SETBP1: variants seen among roughly 807,000 people sequenced by gnomAD.
SETBP1 encodes the protein SET binding protein 1, also known as SET-binding protein.
A neutral mutation model predicts 101.0 loss-of-function variants in SETBP1; 9 were observed. The ratio of observed to expected loss-of-function variants is 0.09; its 90% CI spans 0.05 to 0.16. The LOEUF (loss-of-function observed/expected upper bound fraction) is 0.16. Among genes scored for constraint, SETBP1 ranks in the 10% least tolerant of loss-of-function variants. SETBP1 has a pLI of 1.00. For synonymous variants in SETBP1, 818 were observed against 788.5 expected (o/e 1.04, Z -0.63); for missense variants, 1,858 against 2,033.8 (o/e 0.91, Z 1.66).
At chr18:44,876,744 A>T (rs769753030) in intron 3 of SETBP1, 1 of 1,533,030 alleles carries the variant, frequency 6.5e-7, no homozygotes, top group African/African-American at 1.4e-5. Context: ...TCTGGGCACA[A>T]GAAGTATAAC....
At chr18:45,038,205 G>T in intron 4 of SETBP1, among the ~76,000 whole-genome samples, 1 of 152,160 alleles carries the variant, frequency 6.6e-6, no homozygotes, top group East Asian at 1.9e-4. Context: ...AAAAGGCAAA[G>T]GGGCACCTGA....
At chr18:44,993,501 G>A (rs533140229) in intron 4 of SETBP1, among the ~76,000 whole-genome samples, 9 of 151,836 alleles carry the variant, frequency 5.9e-5, no homozygotes, top group Non-Finnish European at 1.0e-4. Context: ...TCTACTTATT[G>A]CTGATGTATA....
At chr18:44,774,365 ATGTGTGTGTGGG>A (rs1403401229) in intron 2 of SETBP1, among the ~76,000 whole-genome samples, 1 of 149,272 alleles carries the variant, frequency 6.7e-6, no homozygotes, top group Non-Finnish European at 1.5e-5. Flanking sequence ...TTGAGTGTGT[ATGTGTGTGTGGG>A]TGTGTGTGTG....
intron 2 of SETBP1, among the ~76,000 whole-genome samples, chr18:44,752,683 A>T (rs1173690801): frequency 2.0e-5 from 3 of 152,302 alleles, no homozygotes; most frequent in Non-Finnish European, 4.4e-5. Context: ...AAAAACAGAA[A>T]AATACTTAAT....
At position 44,989,858 on chromosome 18, in the gene SETBP1, G is replaced by A. The variant is rs1319902306; in HGVS notation, c.4000+36518G>A. On this transcript the variant is annotated intron_variant, in intron 4 of 5. Transcript: ENST00000649279. ...CACTCCAGCCTGGGCGACAGAGCGAGACTCCGTCTCAAAAAAAAAAAAAAA... is the reference window on the plus strand; with the variant it reads ...CACTCCAGCCTGGGCGACAGAGCGAAACTCCGTCTCAAAAAAAAAAAAAAA... Among the ~76,000 whole-genome samples the A allele has an allele frequency of 3.6e-5, 3 of 84,174 alleles. No homozygotes were observed. In the Admixed American group the frequency reaches 6.9e-4, roughly 19 times the overall value. The allele number at this position is 84,174 out of a possible 152,430, so 55.2% of individuals were successfully genotyped here. A position where few individuals can be genotyped will look rare whatever the true frequency, so the allele number is the denominator to read the frequency against.
chr18:44,812,608 C>T (rs1160436236), intron 2 of SETBP1, among the ~76,000 whole-genome samples: 1 of 152,086 alleles, frequency 6.6e-6, no homozygotes, highest in East Asian at 1.9e-4. Context: ...TCTGTTGGTG[C>T]CCTGGCTGGG....
At chr18:44,784,540 A>G (rs570639469) in intron 2 of SETBP1, among the ~76,000 whole-genome samples, 1 of 152,276 alleles carries the variant, frequency 6.6e-6, no homozygotes, top group African/African-American at 2.4e-5. Flanking sequence ...GTCTTTTTCT[A>G]TCACATTGAC....
intron 3 of SETBP1, among the ~76,000 whole-genome samples, chr18:44,875,129 T>C (rs2069367363): frequency 6.6e-6 from 1 of 152,158 alleles, no homozygotes; most frequent in African/African-American, 2.4e-5. Flanking sequence ...TGCTTGTTCT[T>C]CTAGGGTTGA....
At chr18:44,720,037 G>A (rs186010557) in intron 2 of SETBP1, among the ~76,000 whole-genome samples, 38 of 152,268 alleles carry the variant, frequency 2.5e-4, no homozygotes, top group African/African-American at 8.7e-4. Context: ...AGGGTGGCGC[G>A]CATTGGTTTG....
At chr18:44,866,112 T>C (rs1456500182) in intron 2 of SETBP1, among the ~76,000 whole-genome samples, 1 of 152,234 alleles carries the variant, frequency 6.6e-6, no homozygotes, top group African/African-American at 2.4e-5. Context: ...ACCATTCAGC[T>C]TCTTTCCCTT....
At chr18:44,824,702 C>A (rs1469868606) in intron 2 of SETBP1, among the ~76,000 whole-genome samples, 1 of 152,022 alleles carries the variant, frequency 6.6e-6, no homozygotes, top group Non-Finnish European at 1.5e-5. Context: ...TCCTCTTTTT[C>A]TTTTCCCCAG....
chr18:44,990,927 GAAAAAAAA>G (rs996043221), intron 4 of SETBP1, among the ~76,000 whole-genome samples: 25 of 63,208 alleles, frequency 4.0e-4, no homozygotes, highest in East Asian at 9.0e-4. Context: ...CAGAGAGAGA[GAAAAAAAA>G]AAAAAAAAAA....
At chr18:44,868,572 G>C (rs2069180164) in intron 2 of SETBP1, among the ~76,000 whole-genome samples, 1 of 151,934 alleles carries the variant, frequency 6.6e-6, no homozygotes, top group Non-Finnish European at 1.5e-5. Context: ...GCAGGCATCT[G>C]TAATCCCAGC....
chr18:44,814,268 A>G (rs369310486), intron 2 of SETBP1, among the ~76,000 whole-genome samples: 2 of 152,224 alleles, frequency 1.3e-5, no homozygotes, highest in Admixed American at 6.5e-5. Flanking sequence ...AACTTGCCTC[A>G]TGCAAAACTT....
At chr18:44,785,617 C>T (rs2071224518) in intron 2 of SETBP1, among the ~76,000 whole-genome samples, 1 of 152,174 alleles carries the variant, frequency 6.6e-6, no homozygotes, top group African/African-American at 2.4e-5. Context: ...CTTGTCAGCC[C>T]TCATCTCCCC....
chr18:44,748,257 C>T (rs1160784068), intron 2 of SETBP1, among the ~76,000 whole-genome samples: 2 of 152,158 alleles, frequency 1.3e-5, no homozygotes, highest in African/African-American at 4.8e-5. Context: ...CATGCCCTAA[C>T]AAGAAGAAGG....
intron 2 of SETBP1, among the ~76,000 whole-genome samples, chr18:44,748,381 C>A (rs1461361328): frequency 6.6e-6 from 1 of 152,194 alleles, no homozygotes; most frequent in Non-Finnish European, 1.5e-5. Context: ...ATAAGGAGAG[C>A]AAACAAGAAC....
rs961867182 is a variant in SETBP1, at chr18:44,949,444, G to A, written c.541-437G>A. 5.3e-5 allele frequency among the ~76,000 whole-genome samples: 8 copies of A among 152,208 alleles called. No individual in the cohort carries two copies. In the South Asian group the frequency reaches 1.0e-3, roughly 20 times the overall value. ...GTTAGGTGAAAGAACACTGGGAGTC[G>A]GGAATTTCAGATTCTCTCCTGGGAT... On this transcript the variant is annotated intron_variant, in intron 3 of 5. Transcript: ENST00000649279.
chr18:44,711,265 C>G (rs1285448483), intron 2 of SETBP1, among the ~76,000 whole-genome samples: 2 of 141,602 alleles, frequency 1.4e-5, no homozygotes, highest in African/African-American at 2.6e-5. Flanking sequence ...CTCCCTCCCT[C>G]TCTCCCTCCC....
Sources: gnomAD v4.1 joint callset for allele counts (sites outside exome capture counted in the v4.1 genomes callset) on GRCh38, gnomAD v4.1.1 for gene constraint, MANE v1.5 for transcripts, NCBI Gene and HGNC (gene_info 2026-07-23, HGNC 2026-07-21) for gene names.